The following WDFY2 variants were observed in gnomAD, a reference collection of about 807,000 sequenced individuals.
The protein encoded by WDFY2 is WD repeat and FYVE domain containing 2.
Under a neutral mutation model 56.4 loss-of-function variants are expected in WDFY2, and 36 were observed. The ratio of observed to expected loss-of-function variants is 0.64; its 90% CI spans 0.49 to 0.84. WDFY2 has a LOEUF of 0.84. WDFY2 is among the 40% of genes least tolerant of loss of function. The pLI is 0.00. For synonymous variants in WDFY2, 176 were observed against 183.7 expected, an observed-to-expected ratio of 0.96 and a Z score of 0.34; for missense variants, 444 against 512.2, an observed-to-expected ratio of 0.87 and a Z score of 1.29.
intron 1 of WDFY2, among the ~76,000 whole-genome samples, chr13:51,607,299 G>T (rs1334514934): frequency 2.0e-5 from 3 of 152,212 alleles, no homozygotes; most frequent in Non-Finnish European, 4.4e-5. Flanking sequence ...TAGTAGACTT[G>T]CTTGGATGTG....
intron 5 of WDFY2, among the ~76,000 whole-genome samples, chr13:51,724,770 A>T (rs993833670): frequency 2.1e-4 from 32 of 152,196 alleles, no homozygotes; most frequent in Non-Finnish European, 4.4e-4. Flanking sequence ...TGTACATTCT[A>T]TGGATTTGGA....
intron 1 of WDFY2, among the ~76,000 whole-genome samples, chr13:51,641,743 G>A (rs375555269): frequency 6.2e-5 from 9 of 144,696 alleles, no homozygotes; most frequent in African/African-American, 2.0e-4. Flanking sequence ...GGAGAATGAC[G>A]TGAACCCGGG....
At chr13:51,634,638 C>T (rs1214692000) in intron 1 of WDFY2, among the ~76,000 whole-genome samples, 2 of 152,084 alleles carry the variant, frequency 1.3e-5, no homozygotes, top group African/African-American at 2.4e-5. Context: ...GGCAAAACCC[C>T]GTCTCTACTA....
chr13:51,677,824 G>C (rs1015726962), intron 3 of WDFY2, among the ~76,000 whole-genome samples: 4 of 152,150 alleles, frequency 2.6e-5, no homozygotes, highest in Non-Finnish European at 5.9e-5. Flanking sequence ...GAACAATTTG[G>C]AAAAGTTAGC....
chr13:51,727,467 C>T (rs1952628614), intron 5 of WDFY2, among the ~76,000 whole-genome samples: 1 of 152,102 alleles, frequency 6.6e-6, no homozygotes, highest in Non-Finnish European at 1.5e-5. Flanking sequence ...AATTTAGGAG[C>T]AAGAAGTGAC....
intron 6 of WDFY2, among the ~76,000 whole-genome samples, chr13:51,732,081 T>G (rs1952735046): frequency 6.6e-6 from 1 of 152,348 alleles, no homozygotes; most frequent in East Asian, 1.9e-4. Flanking sequence ...CTGCAGAAAG[T>G]AGAATGTATT....
chr13:51,708,534 G>A (rs1192904834), intron 4 of WDFY2, among the ~76,000 whole-genome samples: 2 of 150,948 alleles, frequency 1.3e-5, no homozygotes, highest in Non-Finnish European at 3.0e-5. Context: ...CAGCTAATAG[G>A]CAAACCAAGG....
chr13:51,745,973 C>CTTTTTTTTTTTTTTTTTT (rs59572351), intron 7 of WDFY2, among the ~76,000 whole-genome samples: 53 of 100,754 alleles, frequency 5.3e-4, no homozygotes, highest in African/African-American at 6.3e-4. Context: ...TTTTCTTTTT[C>CTTTTTTTTTTTTTTTTTT]TTTTTTTTTT....
intron 3 of WDFY2, among the ~76,000 whole-genome samples, chr13:51,683,426 T>C (rs1479483955): frequency 6.6e-6 from 1 of 152,248 alleles, no homozygotes; most frequent in Non-Finnish European, 1.5e-5. Flanking sequence ...GTTCATCTTT[T>C]ATACAAACTA....
At chr13:51,586,080 G>A in intron 1 of WDFY2, 4 of 398,580 alleles carry the variant, frequency 1.0e-5, no homozygotes, top group Non-Finnish European at 1.3e-5. Flanking sequence ...GCAATGAACA[G>A]AAGAAATTCA....
intron 4 of WDFY2, among the ~76,000 whole-genome samples, chr13:51,708,408 G>T (rs1952135153): frequency 6.6e-6 from 1 of 151,856 alleles, no homozygotes; most frequent in African/African-American, 2.4e-5. Flanking sequence ...CAATCCAGGG[G>T]TTTGAAGTTA....
In WDFY2 at chr13:51,654,108, C is replaced by T. The variant is rs1366827022; in HGVS notation, c.138-6488C>T. ...CTACTCAACCCTAGGCAATGCCAGG[C>T]GCCCCTCCCCCAGCCTCGCTGCTGC... On this transcript the variant is annotated intron_variant, in intron 1 of 11. Coordinates refer to ENST00000298125, the MANE Select transcript of WDFY2 (RefSeq NM_052950.4). Among the ~76,000 whole-genome samples, 7 of 152,192 alleles carry T rather than the reference C, an allele frequency of 4.6e-5. No individual in the cohort carries two copies. In the South Asian group the frequency reaches 8.3e-4, roughly 18 times the overall value.
intron 1 of WDFY2, among the ~76,000 whole-genome samples, chr13:51,624,786 G>C (rs867761455): frequency 6.6e-6 from 1 of 152,162 alleles, no homozygotes; most frequent in South Asian, 2.1e-4. Context: ...GAGGTTGGGG[G>C]GTTTGCTCTG....
rs1168796735 is a variant in WDFY2, at chr13:51,763,128, T to A, written c.*3359T>A. 8 of 152,188 alleles carry A rather than the reference T, an allele frequency of 5.3e-5. No homozygotes were observed. Among genetic ancestry groups the A allele is most frequent in the Non-Finnish European group, 1.2e-4 (8 of 68,034 alleles). 9.4% of individuals were successfully genotyped at this position (152,188 alleles called of 1,614,324 possible). A position where few individuals can be genotyped will look rare whatever the true frequency, so the allele number is the denominator to read the frequency against. ...ATTAGTTATACAGGGCAGTTAGATA[T>A]GGCTGAGATGTAAACAAGAGAATCT... On this transcript the variant is annotated 3_prime_UTR_variant, in exon 12 of 12. Coordinates refer to ENST00000298125, the MANE Select transcript of WDFY2 (RefSeq NM_052950.4).
At chr13:51,592,221 C>T (rs1954059265) in intron 1 of WDFY2, 1 of 151,998 alleles carries the variant, frequency 6.6e-6, no homozygotes, top group Admixed American at 6.6e-5. Flanking sequence ...TGCATTTTAA[C>T]TTCCTGTCCT....
At chr13:51,618,181 A>G (rs1261960925) in intron 1 of WDFY2, among the ~76,000 whole-genome samples, 3 of 152,244 alleles carry the variant, frequency 2.0e-5, no homozygotes, top group African/African-American at 7.2e-5. Context: ...CCTGAAGCAT[A>G]TTAGTATCAA....
intron 1 of WDFY2, among the ~76,000 whole-genome samples, chr13:51,638,088 G>A (rs1057206433): frequency 4.6e-5 from 7 of 152,228 alleles, no homozygotes; most frequent in Admixed American, 6.5e-5. Flanking sequence ...TGGGGCCAGC[G>A]TTGGGCAGCT....
At chr13:51,734,354 G>A (rs1378341326) in intron 6 of WDFY2, among the ~76,000 whole-genome samples, 1 of 152,128 alleles carries the variant, frequency 6.6e-6, no homozygotes, top group African/African-American at 2.4e-5. Flanking sequence ...GAACAAAATT[G>A]TATGTGTAAA....
intron 1 of WDFY2, 105 bp downstream of exon 1, chr13:51,584,929 C>T: frequency 6.8e-7 from 1 of 1,472,014 alleles, no homozygotes; most frequent in Non-Finnish European, 9.1e-7. Flanking sequence ...TGTAGACTTG[C>T]TCCCCCAAGT....
Sources: allele counts gnomAD v4.1 joint callset (sites outside exome capture counted in the v4.1 genomes callset), GRCh38; gene constraint gnomAD v4.1.1; transcripts MANE v1.5; gene names NCBI Gene and HGNC (gene_info 2026-07-23, HGNC 2026-07-21).